Variants in CCDC7 observed in about 807,000 individuals in gnomAD.
The protein encoded by CCDC7 is coiled-coil domain containing 7.
A neutral mutation model predicts 196.9 loss-of-function variants in CCDC7; 183 were observed. The observed-to-expected ratio is 0.93, with a 90% CI of 0.82 to 1.05. The LOEUF is 1.05. Ranked by LOEUF, CCDC7 falls within the 50% of genes least tolerant of loss-of-function variation. The pLI is 0.00. For missense variants in CCDC7, 1,540 were observed against 1,482.2 expected, an observed-to-expected ratio of 1.04 and a Z score of -0.64; for synonymous variants, 525 against 484.6, an observed-to-expected ratio of 1.08 and a Z score of -1.10.
At chr10:32,787,635 G>A (rs2082074411) in intron 29 of CCDC7, among the ~76,000 whole-genome samples, 1 of 152,152 alleles carries the variant, frequency 6.6e-6, no homozygotes, top group African/African-American at 2.4e-5. Flanking sequence ...TCCAATGCCA[G>A]CCAGGCCCCT....
chr10:32,701,621 A>C (rs2141543652), intron 24 of CCDC7, among the ~76,000 whole-genome samples: 1 of 152,316 alleles, frequency 6.6e-6, no homozygotes. Flanking sequence ...CCTCTGGTAG[A>C]ATTCGGCTGT....
At position 32,472,468 on chromosome 10, in the gene CCDC7, C is replaced by T. The variant is rs772968150; in HGVS notation, c.678-13C>T. ...ATATATTAAAAAATATTTCATTTAT[C>T]GAACTTTAACAGGGATAAAGAAAAT... On this transcript the variant is annotated splice_polypyrimidine_tract_variant and intron_variant, in intron 6 of 41. Transcript: ENST00000639629. 18 of 1,559,366 alleles carry T rather than the reference C, an allele frequency of 1.2e-5. No individual in the cohort carries two copies. The highest frequency in any genetic ancestry group is 1.4e-5 in the Non-Finnish European group (16 of 1,155,574).
rs573848073 is a variant in CCDC7 at position 32,760,249 on chromosome 10, A to G, written c.2906-18728A>G. Reference sequence around the variant, plus strand: ...ACCCAGCCATCCCATTACTGGGTATATACCCAAAGGATTATAAATGATACT... The same window carrying G: ...ACCCAGCCATCCCATTACTGGGTATGTACCCAAAGGATTATAAATGATACT... On this transcript the variant is annotated intron_variant, in intron 28 of 41. Coordinates refer to ENST00000639629, the Ensembl canonical transcript of CCDC7. Among the ~76,000 whole-genome samples the G allele has an allele frequency of 6.4e-3, 976 of 152,304 alleles. 15 individuals are homozygous for G. Among genetic ancestry groups the G allele is most frequent in the Middle Eastern group, 0.027 (8 of 294 alleles).
At chr10:32,559,110 G>C (rs946846810) in intron 13 of CCDC7, among the ~76,000 whole-genome samples, 1 of 152,156 alleles carries the variant, frequency 6.6e-6, no homozygotes, top group Non-Finnish European at 1.5e-5. Context: ...CAGCGAGGCT[G>C]GGGGAGGGGC....
At chr10:32,557,344 A>G (rs2054537911) in intron 13 of CCDC7, among the ~76,000 whole-genome samples, 1 of 151,490 alleles carries the variant, frequency 6.6e-6, no homozygotes, top group African/African-American at 2.4e-5. Flanking sequence ...TTCTTTGTAA[A>G]TATCAACTTG....
intron 29 of CCDC7, among the ~76,000 whole-genome samples, chr10:32,798,438 A>T (rs1368251317): frequency 6.6e-6 from 1 of 152,212 alleles, no homozygotes; most frequent in Admixed American, 6.5e-5. Context: ...CTGAGGAAAG[A>T]GGCTGAGTGG....
At chr10:32,516,516 G>T (rs922586843) in intron 9 of CCDC7, among the ~76,000 whole-genome samples, 2 of 152,104 alleles carry the variant, frequency 1.3e-5, no homozygotes, top group Non-Finnish European at 2.9e-5. Flanking sequence ...TCAAACTCCT[G>T]ACCTCAGTTG....
intron 11 of CCDC7, among the ~76,000 whole-genome samples, chr10:32,534,978 TCA>T (rs61494092): frequency 0.053 from 8,041 of 152,036 alleles, 702 homozygotes; most frequent in African/African-American, 0.18. Context: ...CCCCTCATTC[TCA>T]CTTTTTGCAG....
At chr10:32,677,760 G>GA (rs138487590) in intron 21 of CCDC7, among the ~76,000 whole-genome samples, 3,018 of 151,796 alleles carry the variant, frequency 0.02, 100 homozygotes, top group African/African-American at 0.069. Context: ...CCTCAGATTT[G>GA]AAAAAACTGT....
Position 32,453,431 on chromosome 10 carries a change from TTATCTG to T in CCDC7, c.370_372+3del. ...AAAGCATGAACATGAAGAATTATCT[TTATCTG>T]TAAGTATATGCAACCCTAATATAGA... On this transcript the variant is annotated splice_donor_variant and coding_sequence_variant, in exon 2 of 42. Transcript: ENST00000639629. LOFTEE classifies it high-confidence loss of function. 1 of 1,532,226 alleles carries T rather than the reference TTATCTG, an allele frequency of 6.5e-7. No individual in the cohort carries two copies. Among genetic ancestry groups the T allele is most frequent in the South Asian group, 1.4e-5 (1 of 73,682 alleles). The allele number at this position is 1,532,226 out of a possible 1,614,324, so 94.9% of individuals were successfully genotyped here. A position where few individuals can be genotyped will look rare whatever the true frequency, so the allele number is the denominator to read the frequency against.
At chr10:32,619,511 A>C (rs1170160940) in intron 18 of CCDC7, among the ~76,000 whole-genome samples, 3 of 152,220 alleles carry the variant, frequency 2.0e-5, no homozygotes, top group Non-Finnish European at 4.4e-5. Flanking sequence ...AACATATAGA[A>C]TAACATACAT....
intron 18 of CCDC7, among the ~76,000 whole-genome samples, chr10:32,625,948 A>G (rs1295243729): frequency 2.0e-5 from 3 of 152,138 alleles, no homozygotes; most frequent in Non-Finnish European, 2.9e-5. Flanking sequence ...TATGTACTAC[A>G]TTTTCTTTAT....
chr10:32,483,513 G>C (rs1258795110), intron 8 of CCDC7, among the ~76,000 whole-genome samples: 1 of 152,162 alleles, frequency 6.6e-6, no homozygotes, highest in Non-Finnish European at 1.5e-5. Flanking sequence ...GATCCCATTT[G>C]TCAATTTTGG....
chr10:32,645,130 A>C (rs1333008571), intron 20 of CCDC7, among the ~76,000 whole-genome samples: 1 of 152,248 alleles, frequency 6.6e-6, no homozygotes, highest in Non-Finnish European at 1.5e-5. Context: ...GAGAAATTCA[A>C]ATGAAAACCA....
chr10:32,649,705 C>T (rs2068389232), intron 20 of CCDC7, among the ~76,000 whole-genome samples: 1 of 152,138 alleles, frequency 6.6e-6, no homozygotes, highest in Admixed American at 6.5e-5. Context: ...ATGTTTTGTT[C>T]ATTTTTCTTA....
intron 28 of CCDC7, among the ~76,000 whole-genome samples, chr10:32,769,090 C>T (rs1051327205): frequency 2.6e-5 from 4 of 152,092 alleles, no homozygotes; most frequent in Admixed American, 6.6e-5. Context: ...GTACCAGTTC[C>T]TCTTTGCACA....
intron 24 of CCDC7, among the ~76,000 whole-genome samples, chr10:32,703,926 T>C (rs1461345442): frequency 1.3e-5 from 2 of 152,072 alleles, no homozygotes; most frequent in African/African-American, 4.8e-5. Flanking sequence ...CTAATTTTTT[T>C]TCAAGGTTTT....
chr10:32,720,341 A>G (rs2082224292), intron 25 of CCDC7, among the ~76,000 whole-genome samples: 1 of 151,744 alleles, frequency 6.6e-6, no homozygotes, highest in Non-Finnish European at 1.5e-5. Flanking sequence ...CAAACACCGC[A>G]TGTTCTCTCT....
At chr10:32,728,258 T>A (rs572450960) in intron 26 of CCDC7, among the ~76,000 whole-genome samples, 81 of 152,110 alleles carry the variant, frequency 5.3e-4, no homozygotes, top group Admixed American at 1.8e-3. Context: ...CTCAGAAGGT[T>A]CTACATTTTT....
Sources: allele counts gnomAD v4.1 joint callset (sites outside exome capture counted in the v4.1 genomes callset), GRCh38; gene constraint gnomAD v4.1.1; transcripts MANE v1.5; gene names NCBI Gene and HGNC (gene_info 2026-07-23, HGNC 2026-07-21).